The following CACNA1G variants were observed in gnomAD, a reference collection of about 807,000 sequenced individuals.
CACNA1G encodes the protein calcium voltage-gated channel subunit alpha1 G, also known as voltage-dependent T-type calcium channel subunit alpha-1G.
In CACNA1G, 67 loss-of-function variants were observed where a neutral mutation model predicts 219.4. The ratio of observed to expected loss-of-function variants is 0.31; its 90% CI spans 0.25 to 0.37. The LOEUF (loss-of-function observed/expected upper bound fraction) is 0.37, where lower values mean the gene tolerates loss of function less well. Ranked by LOEUF, CACNA1G falls within the 10% of genes least tolerant of loss-of-function variation. The pLI, the probability that CACNA1G is intolerant of heterozygous loss-of-function variation, is 1.00. For missense variants in CACNA1G, 2,380 were observed against 3,231.4 expected, an observed-to-expected ratio of 0.74 and a Z score of 6.39; for synonymous variants, 1,296 against 1,345.3, an observed-to-expected ratio of 0.96 and a Z score of 0.80.
At chr17:50,566,978 T>A (rs2038061059) in intron 1 of CACNA1G, among the ~76,000 whole-genome samples, 1 of 152,194 alleles carries the variant, frequency 6.6e-6, no homozygotes, top group Non-Finnish European at 1.5e-5. Context: ...TGGGGCTCCT[T>A]CCAGACCCCC....
Position 50,591,284 on chromosome 17 carries a change from T to G in CACNA1G, c.2454-151T>G, listed in dbSNP as rs1417168588. 6 of 698,744 alleles carry G rather than the reference T, an allele frequency of 8.6e-6. No homozygotes were observed. In the East Asian group the frequency reaches 1.7e-4, roughly 20 times the overall value. The allele number at this position is 698,744 out of a possible 1,614,324, so 43.3% of individuals were successfully genotyped here. A position where few individuals can be genotyped will look rare whatever the true frequency, so the allele number is the denominator to read the frequency against. ...CCCAAATCCTCACTATCTTGGAGGC[T>G]CCTGCTTAGAGGTCTGGGGGCCCAC... On this transcript the variant is annotated intron_variant, in intron 10 of 37. Coordinates refer to ENST00000359106, the MANE Select transcript of CACNA1G (RefSeq NM_018896.5).
chr17:50,585,008 C>T (rs1292535010), intron 9 of CACNA1G, among the ~76,000 whole-genome samples: 1 of 152,156 alleles, frequency 6.6e-6, no homozygotes, highest in Non-Finnish European at 1.5e-5. Flanking sequence ...GGGCACTTAC[C>T]TGGGCTGGGG....
At position 50,621,989 on chromosome 17, in the gene CACNA1G, G is replaced by A. The variant is rs2052231715; in HGVS notation, c.6060+195G>A. Among the ~76,000 whole-genome samples, 1 of 152,192 alleles carries A rather than the reference G, an allele frequency of 6.6e-6. No individual in the cohort carries two copies. The highest frequency in any genetic ancestry group is 1.5e-5 in the Non-Finnish European group (1 of 68,036). On this transcript the variant is annotated intron_variant, in intron 35 of 37. Coordinates refer to ENST00000359106, the MANE Select transcript of CACNA1G (RefSeq NM_018896.5). The surrounding 1 kb of genome is among the most constrained non-coding windows in gnomAD (Gnocchi z 4.6). Reference sequence around the variant, plus strand: ...CAAGGTCTTCAGGTTCCCCACTGGGGACAAAGAGATTAGATAAGTTTAAAT... The same window carrying A: ...CAAGGTCTTCAGGTTCCCCACTGGGAACAAAGAGATTAGATAAGTTTAAAT...
At chr17:50,591,909 G>A (rs377005424) in intron 12 of CACNA1G, 28 bp from the exon 13 acceptor site, 1 of 1,613,916 alleles carries the variant, frequency 6.2e-7, no homozygotes, top group Non-Finnish European at 8.5e-7. Flanking sequence ...CCCTAGTATA[G>A]GCCCTGATTC....
rs534284047 is a variant in CACNA1G at position 50,611,252 on chromosome 17, T to A, written c.4759+1317T>A. ...CTGGGTGACAGAGCGAGACTCCATT[T>A]AAAAAAAAAAAAAAAAAAAGAGAGA... On this transcript the variant is annotated intron_variant, in intron 26 of 37. Coordinates refer to ENST00000359106, the MANE Select transcript of CACNA1G (RefSeq NM_018896.5). Among the ~76,000 whole-genome samples the A allele has an allele frequency of 7.7e-5, 10 of 129,686 alleles. 1 individual carries two copies. The highest frequency in any genetic ancestry group is 2.6e-4 in the African/African-American group (9 of 34,122). 85.1% of individuals were successfully genotyped at this position (129,686 alleles called of 152,430 possible).
rs117597559 is a variant in CACNA1G at position 50,623,869 on chromosome 17, C to G, written c.6061-38C>G. On this transcript the variant is annotated intron_variant, in intron 35 of 37. Transcript: ENST00000359106. ...GCCTCAGTTACCAAACCCACGCACA[C>G]CCTCTTCCTCCACCTCCCTCCCCTG... 3 of 1,588,942 alleles carry G rather than the reference C, an allele frequency of 1.9e-6. No individual in the cohort carries two copies. In the South Asian group the frequency reaches 3.3e-5, roughly 18 times the overall value.
Position 50,586,761 on chromosome 17 carries a change from C to A in CACNA1G, c.2302-3710C>A, listed in dbSNP as rs1267703177. Among the ~76,000 whole-genome samples the A allele has an allele frequency of 2.0e-5, 3 of 152,356 alleles. No individual in the cohort carries two copies. The East Asian group carries it at 5.8e-4, about 29-fold the overall frequency. ...AGAGTTGGTGGCACCTTTCTAACAC[C>A]AGTGTTTGGCACACAGAAGGCACTT... On this transcript the variant is annotated intron_variant, in intron 9 of 37. Transcript: ENST00000359106.
Position 50,603,119 on chromosome 17 carries a change from G to A in CACNA1G, c.4089G>A (p.Val1363=), listed in dbSNP as rs766131326. The A allele has an allele frequency of 1.2e-6, 2 of 1,613,316 alleles. No homozygotes were observed. Among genetic ancestry groups the A allele is most frequent in the Non-Finnish European group, 1.7e-6 (2 of 1,179,796 alleles). ...TCATCTCCGTCATCGACATTCTGGT[G>A]TCCATGGTCTCTGACAGCGGCACCA... The part of the protein sequence containing the change: ...LVLISVIDIL[V]SMVSDSGTKI... The change falls in exon 21 of 38, where the codon GTG becomes GTA. Residue 1363 remains valine, a synonymous_variant. Coordinates refer to ENST00000359106, the MANE Select transcript of CACNA1G (RefSeq NM_018896.5). This position sits in a 1 kb window ranked among gnomAD's most constrained non-coding sequence, Gnocchi z 6.4.
intron 35 of CACNA1G, among the ~76,000 whole-genome samples, chr17:50,622,318 C>A (rs1236593921): frequency 2.6e-5 from 4 of 152,106 alleles, no homozygotes; most frequent in African/African-American, 9.7e-5. Flanking sequence ...TGTGTCCCTG[C>A]GTCTTCACCA....
chr17:50,592,474 G>A (rs2044538801), intron 13 of CACNA1G, among the ~76,000 whole-genome samples: 1 of 152,176 alleles, frequency 6.6e-6, no homozygotes, highest in Non-Finnish European at 1.5e-5. Flanking sequence ...AGGGGTGCAG[G>A]AGGCTTGTGT....
At chr17:50,616,936 G>A (rs746887131) in intron 28 of CACNA1G, among the ~76,000 whole-genome samples, 2 of 152,182 alleles carry the variant, frequency 1.3e-5, no homozygotes, top group African/African-American at 4.8e-5. Flanking sequence ...GACCTCCTGA[G>A]TTCAAGCTGT....
At chr17:50,601,839 C>T (rs757852301) in intron 19 of CACNA1G, among the ~76,000 whole-genome samples, 5 of 152,128 alleles carry the variant, frequency 3.3e-5, no homozygotes, top group African/African-American at 9.7e-5. Flanking sequence ...TTTCCGCTCA[C>T]GGCATCCTGC....
chr17:50,626,954 C>A lies in CACNA1G; in HGVS notation c.*203C>A. 1.4e-6 allele frequency: 1 copy of A among 726,124 alleles called. No individual in the cohort carries two copies. Among genetic ancestry groups the A allele is most frequent in the Non-Finnish European group, 2.5e-6 (1 of 407,852 alleles). 45.0% of individuals were successfully genotyped at this position (726,124 alleles called of 1,614,324 possible). A position where few individuals can be genotyped will look rare whatever the true frequency, so the allele number is the denominator to read the frequency against. ...CAGCCCCGGCAACTCTGGCTCCAGG[C>A]AGAAGGAGAGGCCCGGTGCAGCTGA... On this transcript the variant is annotated 3_prime_UTR_variant, in exon 38 of 38. Transcript: ENST00000359106. The surrounding 1 kb of genome is among the most constrained non-coding windows in gnomAD (Gnocchi z 4.3).
intron 16 of CACNA1G, among the ~76,000 whole-genome samples, chr17:50,598,646 C>T (rs149999151): frequency 6.6e-6 from 1 of 152,350 alleles, no homozygotes; most frequent in East Asian, 1.9e-4. Flanking sequence ...AATAGCCAAT[C>T]CAACAGGTGT....
intron 7 of CACNA1G, 75 bp from the exon 8 acceptor site, chr17:50,575,468 C>A: frequency 7.0e-7 from 1 of 1,425,088 alleles, no homozygotes; most frequent in Non-Finnish European, 9.5e-7. Context: ...CATAGGAATG[C>A]CTCCGTATGT....
intron 28 of CACNA1G, 25 bp downstream of exon 28, chr17:50,616,409 G>C (rs1208175364): frequency 7.3e-7 from 1 of 1,374,130 alleles, no homozygotes; most frequent in Admixed American, 1.7e-5. Flanking sequence ...GGGGGTCTTG[G>C]GGACTTGCGT....
Position 50,576,145 on chromosome 17 carries a change from C to T in CACNA1G, c.1743C>T (p.Gly581=), listed in dbSNP as rs1378868655. 6.2e-7 allele frequency: 1 copy of T among 1,607,902 alleles called. No homozygotes were observed. The highest frequency in any genetic ancestry group is 8.5e-7 in the Non-Finnish European group (1 of 1,177,876). The change falls in exon 8 of 38, where the codon GGC becomes GGT. Residue 581 remains glycine, a synonymous_variant. Coordinates refer to ENST00000359106, the MANE Select transcript of CACNA1G (RefSeq NM_018896.5). The part of the protein sequence containing the change: ...PPPRSPSEAS[G]RTVGSGKVYP... ...CCAGGTCCCCATCTGAGGCATCCGG[C>T]AGGACTGTGGGCAGCGGGAAGGTGT...
intron 37 of CACNA1G, among the ~76,000 whole-genome samples, chr17:50,625,450 A>G (rs2053515907): frequency 6.6e-6 from 1 of 152,238 alleles, no homozygotes; most frequent in Non-Finnish European, 1.5e-5. Flanking sequence ...TCACAGTCTA[A>G]TAGTGGAGAC....
chr17:50,619,422 C>T (rs74802522), intron 33 of CACNA1G, among the ~76,000 whole-genome samples: 1 of 152,118 alleles, frequency 6.6e-6, no homozygotes, highest in Non-Finnish European at 1.5e-5. Flanking sequence ...CTCTCTCTCT[C>T]CCCCCGCCGT....
Sources: gnomAD v4.1 joint callset for allele counts (sites outside exome capture counted in the v4.1 genomes callset) on GRCh38, gnomAD v4.1.1 for gene constraint, Gnocchi (gnomAD v3.1) non-coding constraint, MANE v1.5 for transcripts, NCBI Gene and HGNC (gene_info 2026-07-23, HGNC 2026-07-21) for gene names.